The following STARD8 variants were observed in gnomAD, a reference collection of about 807,000 sequenced individuals.
The protein encoded by STARD8 is stAR-related lipid transfer protein 8.
Under a neutral mutation model 69.4 loss-of-function variants are expected in STARD8, and 25 were observed. The ratio of observed to expected loss-of-function variants is 0.36; its 90% CI spans 0.26 to 0.50. STARD8 has a LOEUF of 0.50. Ranked by LOEUF, STARD8 falls within the 20% of genes least tolerant of loss-of-function variation. The pLI, the probability that STARD8 is intolerant of heterozygous loss-of-function variation, is 0.96. For synonymous variants in STARD8, 389 were observed against 374.6 expected (o/e 1.04, Z -0.45); for missense variants, 921 against 932.5 (o/e 0.99, Z 0.16).
chrX:68,657,033 C>T (rs1457242110), intron 1 of STARD8, among the ~76,000 whole-genome samples: 1 of 111,951 alleles, frequency 8.9e-6, no homozygotes, highest in African/African-American at 3.2e-5. Context: ...GTTACTTCGC[C>T]TTTCTGAGCC....
chrX:68,718,263 G>A lies in STARD8; in HGVS notation c.1349G>A (p.Gly450Glu), dbSNP rs766095408. 2.5e-6 allele frequency: 3 copies of A among 1,211,457 alleles called. No homozygotes were observed. Among genetic ancestry groups the A allele is most frequent in the South Asian group, 3.5e-5 (2 of 56,903 alleles). Residue 450 changes from glycine to glutamate, a missense_variant, in exon 6 of 15, where the codon GGA becomes GAA. By Grantham distance (98) the Gly-to-Glu change is moderately conservative (BLOSUM62 -2). Coordinates refer to ENST00000374599, the MANE Select transcript of STARD8 (RefSeq NM_001142503.3). ...AGCCAGATGGAGGTTCCGGCCCATG[G>A]AGAGTCCCCAGCCTGGGCCCAGGCT... ...ALSQMEVPAH[G>E]ESPAWAQAEV...
chrX:68,647,795 C>A lies in STARD8; in HGVS notation c.-88C>A. 9.0e-7 allele frequency: 1 copy of A among 1,114,150 alleles called. No homozygotes were observed. The highest frequency in any genetic ancestry group is 2.0e-5 in the South Asian group (1 of 49,940). The allele number at this position is 1,114,150 out of a possible 1,213,427, so 91.8% of individuals were successfully genotyped here. ...GGACCGGGCTGGCTCTCGCCGAGCC[C>A]CGGGCCTCTTTTAGCCTCGTCCCCA... On this transcript the variant is annotated 5_prime_UTR_variant, in exon 1 of 15. Coordinates refer to ENST00000374599, the MANE Select transcript of STARD8 (RefSeq NM_001142503.3).
chrX:68,699,326 G>T (rs747675729), intron 2 of STARD8, among the ~76,000 whole-genome samples: 1 of 112,518 alleles, frequency 8.9e-6, no homozygotes, highest in Non-Finnish European at 1.9e-5. Flanking sequence ...GAAGCTTGGG[G>T]CTTCCCGACA....
intron 2 of STARD8, among the ~76,000 whole-genome samples, chrX:68,680,491 G>A (rs776661609): frequency 9.8e-5 from 11 of 112,621 alleles, no homozygotes; most frequent in African/African-American, 3.2e-4. Context: ...AGAGGGCAAG[G>A]ATGAGGACAC....
chrX:68,706,558 A>G (rs1385905595), intron 2 of STARD8, among the ~76,000 whole-genome samples: 1 of 112,232 alleles, frequency 8.9e-6, no homozygotes, highest in Non-Finnish European at 1.9e-5. Flanking sequence ...GAGGTGGCAT[A>G]GCCAGTCAGC....
chrX:68,677,137 C>A (rs1373296553), intron 2 of STARD8, among the ~76,000 whole-genome samples: 1 of 110,619 alleles, frequency 9.0e-6, no homozygotes, highest in Non-Finnish European at 1.9e-5. Flanking sequence ...CAGAGTGAGA[C>A]CCTGTCTCAA....
intron 2 of STARD8, among the ~76,000 whole-genome samples, chrX:68,708,437 C>G (rs193049540): frequency 8.9e-6 from 1 of 112,554 alleles, no homozygotes; most frequent in Admixed American, 9.3e-5. Context: ...GCATAGAAAA[C>G]TGCTCTGTGC....
rs1001198366 is a variant in STARD8 at position 68,722,775 on chromosome X, T to A, written c.2799+129T>A. ...TGAGTCTCGCTGTGCCTCGGCCTGG[T>A]CCTTGGAGAATGTCAGAGAGTCAAG... On this transcript the variant is annotated intron_variant, in intron 12 of 14. Coordinates refer to ENST00000374599, the MANE Select transcript of STARD8 (RefSeq NM_001142503.3). 11 of 609,471 alleles carry A rather than the reference T, an allele frequency of 1.8e-5. No homozygotes were observed. In the African/African-American group the frequency reaches 1.8e-4, roughly 10 times the overall value. 50.2% of individuals were successfully genotyped at this position (609,471 alleles called of 1,213,427 possible). A position where few individuals can be genotyped will look rare whatever the true frequency, so the allele number is the denominator to read the frequency against.
chrX:68,698,483 A>T (rs1444859168), intron 2 of STARD8, among the ~76,000 whole-genome samples: 1 of 111,193 alleles, frequency 9.0e-6, no homozygotes, highest in Non-Finnish European at 1.9e-5. Context: ...AGCCAACCAC[A>T]TGATTGCTGC....
At chrX:68,707,179 G>A (rs748690001) in intron 2 of STARD8, among the ~76,000 whole-genome samples, 5 of 112,939 alleles carry the variant, frequency 4.4e-5, no homozygotes, top group Non-Finnish European at 5.6e-5. Context: ...GGGCCACGGA[G>A]GAGATGCTTT....
intron 1 of STARD8, chrX:68,656,701 C>G (rs2079612992): frequency 9.0e-6 from 1 of 111,600 alleles, no homozygotes; most frequent in African/African-American, 3.3e-5. Context: ...AGTTCGTGTC[C>G]TTTGTAGGGA....
At chrX:68,693,912 C>T in intron 2 of STARD8, 1 of 669,634 alleles carries the variant, frequency 1.5e-6, no homozygotes, top group Non-Finnish European at 1.8e-6. Context: ...CTCTGGCGCG[C>T]TCCGGCTCGG....
chrX:68,654,340 CCA>C (rs1229845365), intron 1 of STARD8, among the ~76,000 whole-genome samples: 2 of 111,231 alleles, frequency 1.8e-5, no homozygotes, highest in Non-Finnish European at 3.8e-5. Context: ...TCTACACATG[CCA>C]CACACACACA....
chrX:68,684,729 GGAGAGACGGGCTTCCCATT>G (rs973022474), intron 2 of STARD8, among the ~76,000 whole-genome samples: 1 of 112,704 alleles, frequency 8.9e-6, no homozygotes, highest in Non-Finnish European at 1.9e-5. Flanking sequence ...GAGGGTGCTG[GGAGAGACGGGCTTCCCATT>G]GATTTATGGT....
chrX:68,661,970 C>CTCTCTCTCTCTT (rs1556020285), intron 1 of STARD8, among the ~76,000 whole-genome samples: 1 of 56,003 alleles, frequency 1.8e-5, no homozygotes, highest in East Asian at 6.7e-4. Context: ...CTCTCTCTCT[C>CTCTCTCTCTCTT]TCTTTCTTTC....
At chrX:68,699,158 G>T (rs1361645808) in intron 2 of STARD8, among the ~76,000 whole-genome samples, 1 of 111,594 alleles carries the variant, frequency 9.0e-6, no homozygotes, top group Non-Finnish European at 1.9e-5. Context: ...CCAGCCCAAG[G>T]TGCTCCTGGG....
At chrX:68,673,119 T>G (rs1328732063) in intron 2 of STARD8, among the ~76,000 whole-genome samples, 1 of 111,951 alleles carries the variant, frequency 8.9e-6, no homozygotes, top group African/African-American at 3.3e-5. Flanking sequence ...TACTTTGATC[T>G]CACTACCATT....
intron 2 of STARD8, among the ~76,000 whole-genome samples, chrX:68,706,546 G>A (rs907650314): frequency 9.0e-6 from 1 of 111,530 alleles, no homozygotes; most frequent in African/African-American, 3.3e-5. Context: ...CCCCCAGGGA[G>A]AGAGGTGGCA....
At chrX:68,694,301 C>T (rs753361419) in intron 2 of STARD8, among the ~76,000 whole-genome samples, 53 of 112,865 alleles carry the variant, frequency 4.7e-4, no homozygotes, top group Admixed American at 1.3e-3. Flanking sequence ...CGGCCACTGC[C>T]TCATTGCTTT....
Sources: allele counts gnomAD v4.1 joint callset (sites outside exome capture counted in the v4.1 genomes callset), GRCh38; gene constraint gnomAD v4.1.1; transcripts MANE v1.5; gene names NCBI Gene and HGNC (gene_info 2026-07-23, HGNC 2026-07-21).